COL25A1: variants seen among roughly 807,000 people sequenced by gnomAD.
The protein encoded by COL25A1 is collagen alpha-1(XXV) chain.
COL25A1 carries 103 observed loss-of-function variants against 128.4 expected under a neutral mutation model. The ratio of observed to expected loss-of-function variants is 0.80; its 90% CI spans 0.68 to 0.94. COL25A1 has a LOEUF of 0.94. Ranked by LOEUF, COL25A1 falls within the 40% of genes least tolerant of loss-of-function variation. The probability of loss-of-function intolerance (pLI) is 0.00; values close to 1 mark genes in which losing one functional copy is unlikely to be tolerated. For missense variants in COL25A1, 745 were observed against 840.0 expected (o/e 0.89, Z 1.40); for synonymous variants, 279 against 277.2 (o/e 1.01, Z -0.06).
intron 3 of COL25A1, among the ~76,000 whole-genome samples, chr4:109,224,007 T>C (rs1778604172): frequency 6.6e-6 from 1 of 152,204 alleles, no homozygotes; most frequent in Non-Finnish European, 1.5e-5. Context: ...CTTAAAGAGC[T>C]ACACTGACAT....
intron 3 of COL25A1, among the ~76,000 whole-genome samples, chr4:109,268,421 A>C (rs944173153): frequency 1.3e-5 from 2 of 152,160 alleles, no homozygotes; most frequent in Admixed American, 6.5e-5. Flanking sequence ...AGCTACTTGC[A>C]TGCATAGGAC....
intron 10 of COL25A1, among the ~76,000 whole-genome samples, chr4:108,939,668 G>A (rs1339974654): frequency 2.6e-5 from 4 of 151,696 alleles, no homozygotes; most frequent in Non-Finnish European, 5.9e-5. Flanking sequence ...TTATTATTAT[G>A]TACTACAAAA....
chr4:109,300,402 T>G (rs560609515), intron 3 of COL25A1, among the ~76,000 whole-genome samples, 181 bp downstream of exon 3: 1 of 152,330 alleles, frequency 6.6e-6, no homozygotes, highest in African/African-American at 2.4e-5. Flanking sequence ...GGTATGCTGC[T>G]TAAAATAATA....
chr4:108,953,731 T>C (rs11098019), intron 8 of COL25A1, among the ~76,000 whole-genome samples: 6,630 of 152,212 alleles, frequency 0.044, 370 homozygotes, highest in African/African-American at 0.13. Flanking sequence ...TGCTTCAGAT[T>C]TTGATGTTTG....
At chr4:108,953,404 C>G (rs28374639) in intron 8 of COL25A1, among the ~76,000 whole-genome samples, 5,860 of 152,190 alleles carry the variant, frequency 0.039, 344 homozygotes, top group African/African-American at 0.13. Context: ...GCATGTTTCC[C>G]AAAGAGGCTA....
At chr4:109,235,998 A>T (rs1779452908) in intron 3 of COL25A1, among the ~76,000 whole-genome samples, 1 of 152,142 alleles carries the variant, frequency 6.6e-6, no homozygotes, top group Non-Finnish European at 1.5e-5. Flanking sequence ...GACTGAATAT[A>T]CTGTAGGTGC....
In COL25A1 at chr4:108,854,760, T is replaced by A. The variant is rs367571129; in HGVS notation, c.1321-1835A>T. ...GAAATAGGAACACTTTTACACTGTT[T>A]GTGGGAGTGTAAACTAGTTCAACCA... On this transcript the variant is annotated intron_variant, in intron 24 of 37. Coordinates refer to ENST00000399132, the MANE Select transcript of COL25A1 (RefSeq NM_198721.4). Among the ~76,000 whole-genome samples, 174 of 152,186 alleles carry A rather than the reference T, an allele frequency of 1.1e-3. 1 individual carries two copies. The highest frequency in any genetic ancestry group is 4.1e-3 in the African/African-American group (170 of 41,540).
intron 19 of COL25A1, among the ~76,000 whole-genome samples, chr4:108,882,079 G>A (rs1054866625): frequency 1.3e-5 from 2 of 152,102 alleles, no homozygotes; most frequent in African/African-American, 4.8e-5. Flanking sequence ...CCTAAGACCT[G>A]AGGAATAAAA....
At chr4:109,110,442 C>G (rs1766892282) in intron 3 of COL25A1, among the ~76,000 whole-genome samples, 1 of 151,878 alleles carries the variant, frequency 6.6e-6, no homozygotes, top group South Asian at 2.1e-4. Flanking sequence ...TGTCCTTTAC[C>G]TTCTTCTCTG....
chr4:109,036,164 T>C (rs1265621913), intron 5 of COL25A1, among the ~76,000 whole-genome samples: 1 of 152,028 alleles, frequency 6.6e-6, no homozygotes, highest in East Asian at 1.9e-4. Flanking sequence ...CCTGACCTCA[T>C]GATCCGCCCA....
intron 3 of COL25A1, among the ~76,000 whole-genome samples, chr4:109,123,293 T>C (rs978526094): frequency 6.6e-6 from 1 of 151,738 alleles, no homozygotes; most frequent in African/African-American, 2.4e-5. Flanking sequence ...CCAGTGATAC[T>C]AGAGTGACTG....
intron 30 of COL25A1, among the ~76,000 whole-genome samples, chr4:108,843,391 T>C (rs888457717): frequency 2.6e-5 from 4 of 152,156 alleles, no homozygotes; most frequent in South Asian, 2.1e-4. Context: ...CTTTGATTTA[T>C]TGACACCTGA....
chr4:108,868,807 AGAAGGAAGGAAAG>A (rs1224592495), intron 20 of COL25A1, among the ~76,000 whole-genome samples: 1 of 147,106 alleles, frequency 6.8e-6, no homozygotes, highest in East Asian at 2.0e-4. Context: ...AAGGAAGGAA[AGAAGGAAGGAAAG>A]GAAGGAAGGA....
At position 108,811,028 on chromosome 4, in the gene COL25A1, C is replaced by T. The variant is rs1380783346; in HGVS notation, c.*2899G>A. 1.3e-5 allele frequency: 2 copies of T among 151,938 alleles called. No individual in the cohort carries two copies. Among genetic ancestry groups the T allele is most frequent in the Admixed American group, 6.5e-5 (1 of 15,270 alleles). The allele number at this position is 151,938 out of a possible 1,614,324, so 9.4% of individuals were successfully genotyped here. On this transcript the variant is annotated 3_prime_UTR_variant, in exon 38 of 38. Coordinates refer to ENST00000399132, the MANE Select transcript of COL25A1 (RefSeq NM_198721.4). ...ATAGAAACTGACCTTGCCTTATTTCCAATGTGTCTTTCATGTATATTTTCT... is the reference window on the plus strand; with the variant it reads ...ATAGAAACTGACCTTGCCTTATTTCTAATGTGTCTTTCATGTATATTTTCT...
At chr4:108,945,923 C>T (rs964498456) in intron 8 of COL25A1, among the ~76,000 whole-genome samples, 1 of 152,122 alleles carries the variant, frequency 6.6e-6, no homozygotes, top group African/African-American at 2.4e-5. Context: ...CCTCAGCCTC[C>T]CAAAGTGCTG....
At chr4:108,952,651 G>A (rs1749574772) in intron 8 of COL25A1, among the ~76,000 whole-genome samples, 1 of 152,178 alleles carries the variant, frequency 6.6e-6, no homozygotes, top group Middle Eastern at 3.4e-3. Context: ...TTCAGTTGAG[G>A]TTGCCAGGTC....
intron 35 of COL25A1, 174 bp downstream of exon 35, chr4:108,824,000 T>C (rs1732074484): frequency 1.3e-6 from 2 of 1,582,540 alleles, no homozygotes; most frequent in Middle Eastern, 1.7e-4. Context: ...TATCTGGCAG[T>C]ACAGCCTTCT....
intron 3 of COL25A1, among the ~76,000 whole-genome samples, chr4:109,183,741 G>C (rs1209933709): frequency 6.6e-6 from 1 of 152,004 alleles, no homozygotes; most frequent in Non-Finnish European, 1.5e-5. Context: ...CTTTATGAGA[G>C]AGGCACAACA....
chr4:108,985,403 T>C (rs903329419), intron 6 of COL25A1, among the ~76,000 whole-genome samples: 2 of 152,222 alleles, frequency 1.3e-5, no homozygotes, highest in African/African-American at 4.8e-5. Context: ...TCCCTCATTT[T>C]AATGTCTTGT....
Sources: gnomAD v4.1 joint callset for allele counts (sites outside exome capture counted in the v4.1 genomes callset) on GRCh38, gnomAD v4.1.1 for gene constraint, MANE v1.5 for transcripts, NCBI Gene and HGNC (gene_info 2026-07-23, HGNC 2026-07-21) for gene names.